The following ADK variants were observed in gnomAD, a reference collection of about 807,000 sequenced individuals.
ADK encodes the protein N6,N6-dimethyladenosine kinase.
In ADK, 24 loss-of-function variants were observed where a neutral mutation model predicts 44.7. The ratio of observed to expected loss-of-function variants is 0.54; its 90% confidence interval spans 0.39 to 0.76. ADK has a LOEUF of 0.76. ADK is among the 30% of genes least tolerant of loss of function. The pLI is 0.00. For missense variants in ADK, 321 were observed against 425.1 expected, an observed-to-expected ratio of 0.76 and a Z score of 2.15; for synonymous variants, 128 against 142.6, an observed-to-expected ratio of 0.90 and a Z score of 0.73.
intron 3 of ADK, among the ~76,000 whole-genome samples, chr10:74,285,507 A>C (rs1356199443): frequency 2.0e-5 from 3 of 147,218 alleles, no homozygotes; most frequent in African/African-American, 5.0e-5. Flanking sequence ...ACTAGGTTGT[A>C]TTTTATATAT....
At chr10:74,687,551 T>TA (rs1441550279) in intron 10 of ADK, among the ~76,000 whole-genome samples, 1 of 152,182 alleles carries the variant, frequency 6.6e-6, no homozygotes, top group African/African-American at 2.4e-5. Flanking sequence ...AAAAGGGTAA[T>TA]ACGTGGATGG....
At chr10:74,247,024 G>A (rs1179831764) in intron 3 of ADK, among the ~76,000 whole-genome samples, 2 of 151,404 alleles carry the variant, frequency 1.3e-5, no homozygotes, top group African/African-American at 2.4e-5. Context: ...TGAATTACTC[G>A]ATACTCTTTT....
intron 6 of ADK, among the ~76,000 whole-genome samples, chr10:74,435,611 A>G (rs960829463): frequency 2.6e-5 from 4 of 152,318 alleles, no homozygotes; most frequent in African/African-American, 9.6e-5. Context: ...AAATGCAAAG[A>G]GATGCACACC....
At chr10:74,188,272 G>T (rs1842828406) in intron 1 of ADK, among the ~76,000 whole-genome samples, 1 of 148,114 alleles carries the variant, frequency 6.8e-6, no homozygotes, top group Non-Finnish European at 1.5e-5. Context: ...TTTGCTAGGG[G>T]TTTAGCAATT....
At chr10:74,253,115 G>A (rs1215490673) in intron 3 of ADK, among the ~76,000 whole-genome samples, 1 of 152,198 alleles carries the variant, frequency 6.6e-6, no homozygotes, top group Non-Finnish European at 1.5e-5. Context: ...GAGGGTTCTT[G>A]GCTTTGCCCA....
chr10:74,313,445 A>G (rs1172421278), intron 3 of ADK, among the ~76,000 whole-genome samples: 1 of 152,046 alleles, frequency 6.6e-6, no homozygotes, highest in African/African-American at 2.4e-5. Flanking sequence ...GAAAATTTCT[A>G]GTTTCAAAAA....
intron 3 of ADK, among the ~76,000 whole-genome samples, chr10:74,250,491 T>G (rs1845608706): frequency 6.6e-6 from 1 of 152,150 alleles, no homozygotes; most frequent in African/African-American, 2.4e-5. Context: ...TCAGGCCGAA[T>G]TGTGAAAAGT....
chr10:74,478,242 C>A (rs893392447), intron 6 of ADK, among the ~76,000 whole-genome samples: 1 of 152,148 alleles, frequency 6.6e-6, no homozygotes, highest in African/African-American at 2.4e-5. Context: ...TTTCTAGAGA[C>A]AGTGTTTCAT....
At chr10:74,267,790 G>GTGTGTGTGTGTGTGTGTGTGTC (rs35081179) in intron 3 of ADK, among the ~76,000 whole-genome samples, 1 of 145,596 alleles carries the variant, frequency 6.9e-6, no homozygotes, top group African/African-American at 2.7e-5. Context: ...GTGTGTGTGT[G>GTGTGTGTGTGTGTGTGTGTGTC]TGTCTGTCTG....
chr10:74,219,435 C>T (rs1844200748), intron 2 of ADK, among the ~76,000 whole-genome samples: 1 of 152,090 alleles, frequency 6.6e-6, no homozygotes, highest in South Asian at 2.1e-4. Context: ...CTTTAACACC[C>T]CACTATCAAC....
At chr10:74,225,850 A>G (rs1203471998) in intron 3 of ADK, among the ~76,000 whole-genome samples, 1 of 152,032 alleles carries the variant, frequency 6.6e-6, no homozygotes, top group African/African-American at 2.4e-5. Context: ...TTACTGTAGC[A>G]TTGGTTGGTT....
At chr10:74,532,910 ACT>A (rs1311774166) in intron 7 of ADK, among the ~76,000 whole-genome samples, 3 of 103,884 alleles carry the variant, frequency 2.9e-5, no homozygotes, top group African/African-American at 7.5e-5. Flanking sequence ...ACAGAGCAAG[ACT>A]CTGTCTCAAA....
intron 9 of ADK, chr10:74,655,155 T>C (rs578055719): frequency 2.2e-4 from 67 of 300,098 alleles, no homozygotes; most frequent in Non-Finnish European, 3.5e-4. Flanking sequence ...ATATCATCAG[T>C]CAGAAGAACC....
chr10:74,186,037 T>G (rs1399347159), intron 1 of ADK, among the ~76,000 whole-genome samples: 2 of 151,592 alleles, frequency 1.3e-5, no homozygotes, highest in Non-Finnish European at 2.9e-5. Context: ...TTTGTAGAGA[T>G]GGAGTTTCAC....
chr10:74,694,466 G>A (rs1446677066), intron 10 of ADK, among the ~76,000 whole-genome samples: 1 of 151,896 alleles, frequency 6.6e-6, no homozygotes, highest in Admixed American at 6.6e-5. Flanking sequence ...AGAAGGTTTG[G>A]GGGTTTTGGG....
intron 6 of ADK, among the ~76,000 whole-genome samples, chr10:74,410,026 A>G (rs139651584): frequency 6.6e-6 from 1 of 152,316 alleles, no homozygotes; most frequent in African/African-American, 2.4e-5. Flanking sequence ...AGTGTGATAA[A>G]TTATAAGAAA....
chr10:74,282,666 G>GT (rs1846987574), intron 3 of ADK, among the ~76,000 whole-genome samples: 1 of 152,248 alleles, frequency 6.6e-6, no homozygotes, highest in South Asian at 2.1e-4. Flanking sequence ...CAGAAAACAT[G>GT]TATTTCTTCA....
chr10:74,162,230 A>G (rs1045896000), intron 1 of ADK, among the ~76,000 whole-genome samples: 3 of 152,052 alleles, frequency 2.0e-5, no homozygotes, highest in East Asian at 1.9e-4. Context: ...CATGTTGGCC[A>G]GGCTGGTCTC....
At chr10:74,160,771 T>C (rs1334361609) in intron 1 of ADK, among the ~76,000 whole-genome samples, 2 of 100,298 alleles carry the variant, frequency 2.0e-5, no homozygotes, top group Non-Finnish European at 4.6e-5. Context: ...AGTGTAGGCA[T>C]TGTTCGTATA....
Sources: gnomAD v4.1 joint callset for allele counts (sites outside exome capture counted in the v4.1 genomes callset) on GRCh38, gnomAD v4.1.1 for gene constraint, MANE v1.5 for transcripts, NCBI Gene and HGNC (gene_info 2026-07-23, HGNC 2026-07-21) for gene names.